Variants in RSRC1 observed in about 807,000 individuals in gnomAD.
The protein encoded by RSRC1 is arginine and serine rich coiled-coil 1.
In RSRC1, 39 loss-of-function variants were observed where a neutral mutation model predicts 49.1. The observed-to-expected ratio is 0.79, with a 90% confidence interval of 0.61 to 1.04. The LOEUF (loss-of-function observed/expected upper bound fraction) is 1.04. RSRC1 is among the 50% of genes least tolerant of loss of function. RSRC1 has a pLI of 0.00. For missense variants in RSRC1, 388 were observed against 402.4 expected (o/e 0.96, Z 0.31); for synonymous variants, 143 against 130.8 (o/e 1.09, Z -0.63).
chr3:158,455,343 A>C (rs886932952), intron 6 of RSRC1, among the ~76,000 whole-genome samples: 8 of 152,088 alleles, frequency 5.3e-5, no homozygotes, highest in African/African-American at 1.7e-4. Flanking sequence ...GAAAATATTA[A>C]TACAGCCTTT....
chr3:158,408,827 T>C (rs1460521884), intron 6 of RSRC1, among the ~76,000 whole-genome samples: 1 of 151,692 alleles, frequency 6.6e-6, no homozygotes, highest in Non-Finnish European at 1.5e-5. Context: ...AGGCCAGGAG[T>C]TTGAGACCAG....
intron 4 of RSRC1, among the ~76,000 whole-genome samples, chr3:158,296,450 C>T (rs1430421211): frequency 6.6e-6 from 1 of 151,116 alleles, no homozygotes; most frequent in Non-Finnish European, 1.5e-5. Flanking sequence ...TGTGTGTGTG[C>T]ATGCATGTGC....
intron 7 of RSRC1, among the ~76,000 whole-genome samples, chr3:158,466,306 G>A (rs1184324067): frequency 1.3e-5 from 2 of 152,128 alleles, no homozygotes; most frequent in Non-Finnish European, 2.9e-5. Context: ...TCAGTAAGAT[G>A]TTTATGTACA....
chr3:158,339,151 G>A (rs1407245233), intron 5 of RSRC1, among the ~76,000 whole-genome samples: 8 of 151,880 alleles, frequency 5.3e-5, no homozygotes, highest in Admixed American at 5.2e-4. Flanking sequence ...AATTAGCCGG[G>A]CGCGGTGGCG....
chr3:158,387,731 A>G (rs1284123308), intron 6 of RSRC1, among the ~76,000 whole-genome samples: 3 of 152,178 alleles, frequency 2.0e-5, no homozygotes, highest in Non-Finnish European at 4.4e-5. Flanking sequence ...GTGACCAAGG[A>G]TAAGATTTAG....
intron 3 of RSRC1, among the ~76,000 whole-genome samples, chr3:158,194,765 C>A (rs139987211): frequency 1.3e-5 from 2 of 150,530 alleles, no homozygotes; most frequent in Middle Eastern, 3.4e-3. Flanking sequence ...TTTGTCCTTG[C>A]GATAATTTGC....
intron 6 of RSRC1, among the ~76,000 whole-genome samples, chr3:158,383,349 CATTTTATATAAGGGA>C (rs146889029): frequency 0.016 from 2,408 of 152,204 alleles, 82 homozygotes; most frequent in African/African-American, 0.055. Context: ...TGTCCTGTGC[CATTTTATATAAGGGA>C]CTTGAGTATT....
chr3:158,194,049 G>C (rs1023196016), intron 3 of RSRC1, among the ~76,000 whole-genome samples: 3 of 135,570 alleles, frequency 2.2e-5, no homozygotes, highest in Admixed American at 1.5e-4. Flanking sequence ...GTGAGACCCC[G>C]TCTATACACA....
intron 6 of RSRC1, among the ~76,000 whole-genome samples, chr3:158,412,062 C>A (rs1208097862): frequency 6.6e-6 from 1 of 152,062 alleles, no homozygotes; most frequent in Non-Finnish European, 1.5e-5. Context: ...AAAGATGATA[C>A]CTATAGAAAA....
At chr3:158,416,032 A>G (rs1734719798) in intron 6 of RSRC1, among the ~76,000 whole-genome samples, 2 of 152,044 alleles carry the variant, frequency 1.3e-5, no homozygotes, top group Non-Finnish European at 2.9e-5. Flanking sequence ...TCTGAAGATC[A>G]GAGGGTATAA....
At position 158,499,326 on chromosome 3, in the gene RSRC1, G is replaced by A. The variant is rs541403956; in HGVS notation, c.653-37766G>A. 3.0e-4 allele frequency among the ~76,000 whole-genome samples: 45 copies of A among 152,176 alleles called. 1 individual carries two copies. Among genetic ancestry groups the A allele is most frequent in the Middle Eastern group, 6.8e-3 (2 of 294 alleles). On this transcript the variant is annotated intron_variant, in intron 7 of 9. Coordinates refer to ENST00000611884, the MANE Select transcript of RSRC1 (RefSeq NM_001271838.2). ...CGGGAGGTGGAGCTTGCAGTGAGCC[G>A]AGATTGTGCCACTGCACTCCAGCCT...
At chr3:158,436,158 T>TA (rs2108364360) in intron 6 of RSRC1, among the ~76,000 whole-genome samples, 1 of 152,040 alleles carries the variant, frequency 6.6e-6, no homozygotes, top group South Asian at 2.1e-4. Context: ...GACACTATGC[T>TA]AAAATCAGTA....
At chr3:158,241,974 T>C (rs1365441109) in intron 4 of RSRC1, among the ~76,000 whole-genome samples, 2 of 151,686 alleles carry the variant, frequency 1.3e-5, no homozygotes, top group African/African-American at 4.8e-5. Context: ...CATCACATGA[T>C]ATGAATGTTT....
intron 3 of RSRC1, among the ~76,000 whole-genome samples, chr3:158,188,534 ACCTAAGGTT>A (rs1426783497): frequency 6.6e-6 from 1 of 151,948 alleles, no homozygotes; most frequent in Non-Finnish European, 1.5e-5. Flanking sequence ...ACTGAGGCAC[ACCTAAGGTT>A]CCTTTATTTC....
At chr3:158,374,436 T>A (rs559021391) in intron 6 of RSRC1, among the ~76,000 whole-genome samples, 1 of 152,228 alleles carries the variant, frequency 6.6e-6, no homozygotes, top group Admixed American at 6.5e-5. Flanking sequence ...CACCTCCCAT[T>A]CATAAATTGG....
intron 6 of RSRC1, among the ~76,000 whole-genome samples, chr3:158,428,789 A>G (rs1735606020): frequency 2.0e-5 from 3 of 151,884 alleles, no homozygotes; most frequent in African/African-American, 7.2e-5. Flanking sequence ...GTGTATTCAC[A>G]TGCAGTTTTT....
chr3:158,191,283 T>C (rs11927753), intron 3 of RSRC1, among the ~76,000 whole-genome samples: 1 of 152,114 alleles, frequency 6.6e-6, no homozygotes, highest in African/African-American at 2.4e-5. Flanking sequence ...CATCCTGACA[T>C]GGAATCCATG....
chr3:158,416,707 T>C (rs1734754474), intron 6 of RSRC1, among the ~76,000 whole-genome samples: 1 of 152,068 alleles, frequency 6.6e-6, no homozygotes, highest in Non-Finnish European at 1.5e-5. Context: ...ATAAGCAAAC[T>C]TAATAATTGT....
intron 5 of RSRC1, among the ~76,000 whole-genome samples, chr3:158,298,725 C>T (rs1727373831): frequency 6.6e-6 from 1 of 152,094 alleles, no homozygotes; most frequent in South Asian, 2.1e-4. Context: ...TTTATTACAA[C>T]ATTAAGTAGT....
Sources: gnomAD v4.1 joint callset for allele counts (sites outside exome capture counted in the v4.1 genomes callset) on GRCh38, gnomAD v4.1.1 for gene constraint, MANE v1.5 for transcripts, NCBI Gene and HGNC (gene_info 2026-07-23, HGNC 2026-07-21) for gene names.